Variants in JAM2 observed in about 807,000 individuals in gnomAD.
JAM2 encodes junctional adhesion molecule B.
A neutral mutation model predicts 42.0 loss-of-function variants in JAM2; 17 were observed. That is an observed-to-expected ratio of 0.40 (90% CI 0.28 to 0.61). The LOEUF (loss-of-function observed/expected upper bound fraction) is 0.61. Ranked by LOEUF, JAM2 falls within the 20% of genes least tolerant of loss-of-function variation. The probability of loss-of-function intolerance (pLI) is 0.37; values close to 1 mark genes in which losing one functional copy is unlikely to be tolerated. For synonymous variants in JAM2, 118 were observed against 128.6 expected, an observed-to-expected ratio of 0.92 and a Z score of 0.56; for missense variants, 319 against 358.3, an observed-to-expected ratio of 0.89 and a Z score of 0.89.
intron 3 of JAM2, among the ~76,000 whole-genome samples, chr21:25,690,683 G>A (rs1360241739): frequency 6.6e-6 from 1 of 152,004 alleles, no homozygotes; most frequent in African/African-American, 2.4e-5. Context: ...TTAAAAAATG[G>A]TGTGGTTTGG....
At chr21:25,677,655 T>C (rs1486892593) in intron 1 of JAM2, among the ~76,000 whole-genome samples, 2 of 152,328 alleles carry the variant, frequency 1.3e-5, no homozygotes, top group Non-Finnish European at 1.5e-5. Flanking sequence ...AGTGTGATGT[T>C]TGAAAAGTTC....
chr21:25,663,572 A>C (rs775621975), intron 1 of JAM2, among the ~76,000 whole-genome samples: 1 of 152,204 alleles, frequency 6.6e-6, no homozygotes, highest in Non-Finnish European at 1.5e-5. Flanking sequence ...TAACAATTTA[A>C]GGAATTAATG....
intron 1 of JAM2, among the ~76,000 whole-genome samples, chr21:25,667,587 A>G (rs539884869): frequency 3.3e-5 from 5 of 152,370 alleles, no homozygotes; most frequent in Middle Eastern, 3.4e-3. Context: ...TGTATAGGGA[A>G]AAACAGAGTG....
chr21:25,689,566 G>A (rs139451656), intron 2 of JAM2, among the ~76,000 whole-genome samples: 7 of 152,320 alleles, frequency 4.6e-5, no homozygotes, highest in African/African-American at 1.4e-4. Context: ...CCAAGCCTGT[G>A]TGCTTTGCAT....
At position 25,676,235 on chromosome 21, in the gene JAM2, CCAAGATCACGCCA is replaced by C. The variant is rs756740667; in HGVS notation, c.68-7646_68-7634del. 5.2e-4 allele frequency among the ~76,000 whole-genome samples: 75 copies of C among 144,946 alleles called. 1 individual carries two copies. The highest frequency in any genetic ancestry group is 8.6e-4 in the Non-Finnish European group (58 of 67,190). On this transcript the variant is annotated intron_variant, in intron 1 of 9. Transcript: ENST00000480456. ...CCCAGGAGGTAGAGGTTGCAGTAAG[CCAAGATCACGCCA>C]CTGCACTCCAGCCTGGGTGACACAG...
intron 2 of JAM2, among the ~76,000 whole-genome samples, chr21:25,688,805 T>C (rs1211858370): frequency 6.6e-6 from 1 of 152,174 alleles, no homozygotes; most frequent in East Asian, 1.9e-4. Flanking sequence ...AACATTAAAA[T>C]CAAAGGTATG....
intron 1 of JAM2, among the ~76,000 whole-genome samples, chr21:25,663,531 C>A (rs1159391196): frequency 6.6e-6 from 1 of 152,100 alleles, no homozygotes; most frequent in African/African-American, 2.4e-5. Flanking sequence ...GAGGACTCTG[C>A]CTTCATGAAT....
At position 25,698,880 on chromosome 21, in the gene JAM2, G is replaced by A; in HGVS notation, c.597+1G>A. 1.2e-6 allele frequency: 2 copies of A among 1,612,926 alleles called. No individual in the cohort carries two copies. The highest frequency in any genetic ancestry group is 2.7e-5 in the African/African-American group (2 of 75,016). On this transcript the variant is annotated splice_donor_variant, in intron 5 of 9. Transcript: ENST00000480456. LOFTEE classifies it high-confidence loss of function. ...AATGAATACAAAAACTGGAACTCTGGTAAGGTCATTTCAAGATTTGACTTG... is the reference window on the plus strand; with the variant it reads ...AATGAATACAAAAACTGGAACTCTGATAAGGTCATTTCAAGATTTGACTTG...
intron 1 of JAM2, among the ~76,000 whole-genome samples, chr21:25,674,559 T>C (rs771222887): frequency 6.6e-6 from 1 of 152,126 alleles, no homozygotes; most frequent in Non-Finnish European, 1.5e-5. Flanking sequence ...GTGAAAATTA[T>C]CCTTAAATTC....
intron 6 of JAM2, among the ~76,000 whole-genome samples, chr21:25,704,298 A>C (rs376625909): frequency 4.7e-4 from 72 of 152,306 alleles, no homozygotes; most frequent in African/African-American, 1.7e-3. Context: ...AACTGAGTTT[A>C]TACCAAGCAA....
At chr21:25,653,075 C>T (rs1031648382) in intron 1 of JAM2, among the ~76,000 whole-genome samples, 1 of 152,180 alleles carries the variant, frequency 6.6e-6, no homozygotes. Context: ...TCCTTAACAG[C>T]TCTAAAAGCT....
Position 25,698,884 on chromosome 21 carries a change from G to A in JAM2, c.597+5G>A. 1 of 1,612,004 alleles carries A rather than the reference G, an allele frequency of 6.2e-7. No homozygotes were observed. The highest frequency in any genetic ancestry group is 8.5e-7 in the Non-Finnish European group (1 of 1,178,292). On this transcript the variant is annotated splice_donor_5th_base_variant and intron_variant, in intron 5 of 9. Coordinates refer to ENST00000480456, the MANE Select transcript of JAM2 (RefSeq NM_021219.4). ...AATACAAAAACTGGAACTCTGGTAA[G>A]GTCATTTCAAGATTTGACTTGATAA...
intron 5 of JAM2, among the ~76,000 whole-genome samples, chr21:25,699,967 A>G (rs925713527): frequency 1.3e-5 from 2 of 152,066 alleles, no homozygotes; most frequent in African/African-American, 2.4e-5. Context: ...TAGGATTCCT[A>G]TATCATTAAA....
At chr21:25,695,030 G>A (rs2033971269) in intron 4 of JAM2, among the ~76,000 whole-genome samples, 1 of 151,634 alleles carries the variant, frequency 6.6e-6, no homozygotes, top group Non-Finnish European at 1.5e-5. Context: ...TCTCGCAGAG[G>A]GGGATTTGGC....
intron 1 of JAM2, among the ~76,000 whole-genome samples, chr21:25,651,052 T>TC (rs1241572755): frequency 1.4e-4 from 2 of 14,598 alleles, no homozygotes; most frequent in African/African-American, 5.1e-4. Context: ...AAACCATACC[T>TC]CCCCCCGCCA....
At chr21:25,670,623 T>C (rs2033338199) in intron 1 of JAM2, among the ~76,000 whole-genome samples, 1 of 152,240 alleles carries the variant, frequency 6.6e-6, no homozygotes, top group Non-Finnish European at 1.5e-5. Context: ...TTTATTGGTC[T>C]AGTTCACTGA....
At position 25,689,892 on chromosome 21, in the gene JAM2, A is replaced by G; in HGVS notation, c.160A>G (p.Lys54Glu). The change falls in exon 3 of 10, where the codon AAG (lysine) becomes GAG (glutamate). Residue 54 changes from lysine to glutamate, a missense_variant. Transcript: ENST00000480456. ...GGCTATTTTAGCCTGCAAAACCCCA[A>G]AGAAGACTGTTTCCTCCAGATTAGA... is the stretch of plus-strand genomic sequence containing the variant. ...QEAILACKTP[K>E]KTVSSRLEWK... 6.2e-7 allele frequency: 1 copy of G among 1,613,690 alleles called. No homozygotes were observed. The highest frequency in any genetic ancestry group is 1.7e-4 in the Middle Eastern group (1 of 6,058).
rs560277049 is a variant in JAM2, at chr21:25,642,707, G to T, written c.67+2819G>T. Among the ~76,000 whole-genome samples, 6 of 152,298 alleles carry T rather than the reference G, an allele frequency of 3.9e-5. No homozygotes were observed. The South Asian group carries it at 1.0e-3, about 26-fold the overall frequency. ...TTTTCTTTCCCACTCCATTAGGAAA[G>T]GAATTTCTTGATGTTTGCTCACCAC... On this transcript the variant is annotated intron_variant, in intron 1 of 9. Coordinates refer to ENST00000480456, the MANE Select transcript of JAM2 (RefSeq NM_021219.4).
rs1443907250 is a variant in JAM2, at chr21:25,683,865, T to A, written c.68-18T>A. On this transcript the variant is annotated intron_variant, in intron 1 of 9. Transcript: ENST00000480456. ...CTTTTGTATAATTTTAATTATCCTA[T>A]CTGTTTTAATCTTTCAGATCATAAG... 8 of 1,550,328 alleles carry A rather than the reference T, an allele frequency of 5.2e-6. No homozygotes were observed. The Admixed American group carries it at 5.2e-5, about 10-fold the overall frequency.
Sources: allele counts gnomAD v4.1 joint callset (sites outside exome capture counted in the v4.1 genomes callset), GRCh38; gene constraint gnomAD v4.1.1; transcripts MANE v1.5; gene names NCBI Gene and HGNC (gene_info 2026-07-23, HGNC 2026-07-21).